The following LRRTM4 variants were observed in gnomAD, a reference collection of about 807,000 sequenced individuals.
LRRTM4 encodes the protein leucine rich repeat transmembrane neuronal 4, also known as leucine-rich repeat transmembrane neuronal protein 4.
LRRTM4 carries 25 observed loss-of-function variants against 47.6 expected under a neutral mutation model. The observed-to-expected ratio is 0.53, with a 90% CI of 0.38 to 0.73. The LOEUF (loss-of-function observed/expected upper bound fraction) is 0.73. Among genes scored for constraint, LRRTM4 ranks in the 30% least tolerant of loss-of-function variants. The probability of loss-of-function intolerance (pLI) is 0.00; values close to 1 mark genes in which losing one functional copy is unlikely to be tolerated. For synonymous variants in LRRTM4, 311 were observed against 269.5 expected (o/e 1.15, Z -1.51); for missense variants, 638 against 713.4 (o/e 0.89, Z 1.20).
intron 3 of LRRTM4, among the ~76,000 whole-genome samples, chr2:76,751,433 T>G (rs999847429): frequency 1.5e-4 from 23 of 152,064 alleles, no homozygotes; most frequent in African/African-American, 5.3e-4. Flanking sequence ...AAAAGGAGAA[T>G]TGCAAAAAAT....
At chr2:77,395,219 C>A (rs1673657030) in intron 3 of LRRTM4, among the ~76,000 whole-genome samples, 1 of 151,838 alleles carries the variant, frequency 6.6e-6, no homozygotes, top group South Asian at 2.1e-4. Context: ...GCGTATCTGA[C>A]CTCTCATCCT....
At chr2:77,428,275 C>A (rs770470261) in intron 3 of LRRTM4, among the ~76,000 whole-genome samples, 1 of 152,080 alleles carries the variant, frequency 6.6e-6, no homozygotes, top group Non-Finnish European at 1.5e-5. Context: ...ACTGATACAC[C>A]AACTACAGAC....
chr2:77,191,714 A>C (rs2103879861), intron 3 of LRRTM4, among the ~76,000 whole-genome samples: 1 of 152,222 alleles, frequency 6.6e-6, no homozygotes, highest in South Asian at 2.1e-4. Flanking sequence ...AATATGAATA[A>C]ATAAATTATC....
intron 3 of LRRTM4, among the ~76,000 whole-genome samples, chr2:77,372,981 A>T (rs1303841278): frequency 6.6e-6 from 1 of 150,856 alleles, no homozygotes; most frequent in Non-Finnish European, 1.5e-5. Flanking sequence ...AAGGGTCATA[A>T]GGAATATCAC....
intron 3 of LRRTM4, among the ~76,000 whole-genome samples, chr2:77,004,610 C>T (rs1573438159): frequency 6.6e-6 from 1 of 152,138 alleles, no homozygotes; most frequent in East Asian, 1.9e-4. Flanking sequence ...GGAGCCCCCA[C>T]ACAGAGTCCC....
intron 3 of LRRTM4, among the ~76,000 whole-genome samples, chr2:77,341,426 C>A (rs1280319870): frequency 6.6e-6 from 1 of 151,968 alleles, no homozygotes; most frequent in Non-Finnish European, 1.5e-5. Flanking sequence ...TCTGCTTAAA[C>A]GTTATTCCTT....
chr2:77,041,539 A>G (rs1679034445), intron 3 of LRRTM4, among the ~76,000 whole-genome samples: 1 of 151,520 alleles, frequency 6.6e-6, no homozygotes, highest in African/African-American at 2.4e-5. Context: ...ACAATGTATA[A>G]GAATTTGCCC....
intron 3 of LRRTM4, among the ~76,000 whole-genome samples, chr2:77,299,275 ACAC>A (rs1677060122): frequency 3.1e-5 from 3 of 95,598 alleles, no homozygotes; most frequent in African/African-American, 8.6e-5. Context: ...ACACACACAC[ACAC>A]ACACACACAC....
At chr2:76,845,013 TC>T (rs1671797800) in intron 3 of LRRTM4, among the ~76,000 whole-genome samples, 1 of 151,620 alleles carries the variant, frequency 6.6e-6, no homozygotes, top group Non-Finnish European at 1.5e-5. Context: ...TGAAAGCAAA[TC>T]CCTGCCACAA....
At chr2:77,382,471 C>T (rs186394912) in intron 3 of LRRTM4, among the ~76,000 whole-genome samples, 1 of 152,008 alleles carries the variant, frequency 6.6e-6, no homozygotes, top group African/African-American at 2.4e-5. Flanking sequence ...TTACAGATAT[C>T]CCCCAAAATT....
intron 3 of LRRTM4, among the ~76,000 whole-genome samples, chr2:77,436,106 A>C (rs1675589019): frequency 6.6e-6 from 1 of 152,182 alleles, no homozygotes; most frequent in Non-Finnish European, 1.5e-5. Flanking sequence ...AGAGTGTTGT[A>C]AGAAAACATA....
intron 3 of LRRTM4, among the ~76,000 whole-genome samples, chr2:77,039,413 AAGTT>A (rs1323393769): frequency 2.6e-5 from 4 of 151,140 alleles, no homozygotes; most frequent in African/African-American, 9.7e-5. Context: ...CTGTTTAAAA[AAGTT>A]AGTGTCAGTT....
chr2:77,279,086 A>G (rs1350682088), intron 3 of LRRTM4, among the ~76,000 whole-genome samples: 1 of 152,018 alleles, frequency 6.6e-6, no homozygotes, highest in Non-Finnish European at 1.5e-5. Context: ...TGCCCTGGTG[A>G]GAAGAAACTA....
intron 3 of LRRTM4, among the ~76,000 whole-genome samples, chr2:76,953,483 C>T (rs886788072): frequency 2.0e-5 from 3 of 151,926 alleles, no homozygotes; most frequent in Non-Finnish European, 4.4e-5. Flanking sequence ...CGCGCACACA[C>T]ACACATTACG....
chr2:76,916,882 G>A (rs995810102), intron 3 of LRRTM4, among the ~76,000 whole-genome samples: 1 of 152,174 alleles, frequency 6.6e-6, no homozygotes, highest in South Asian at 2.1e-4. Context: ...GCTAATTCCA[G>A]CTAAGATATT....
At chr2:77,137,830 C>G (rs775900669) in intron 3 of LRRTM4, among the ~76,000 whole-genome samples, 6 of 152,112 alleles carry the variant, frequency 3.9e-5, no homozygotes, top group African/African-American at 7.2e-5. Flanking sequence ...CAATCCTAGT[C>G]TCTGATAAAA....
chr2:77,432,827 A>G (rs1267337936), intron 3 of LRRTM4, among the ~76,000 whole-genome samples: 1 of 152,246 alleles, frequency 6.6e-6, no homozygotes, highest in African/African-American at 2.4e-5. Flanking sequence ...TAGCTGAAAC[A>G]GATATGTAAA....
Position 76,986,168 on chromosome 2 carries a change from T to A in LRRTM4, c.1552-237252A>T, listed in dbSNP as rs547324071. Among the ~76,000 whole-genome samples the A allele has an allele frequency of 9.3e-5, 14 of 150,442 alleles. No homozygotes were observed. The East Asian group carries it at 2.7e-3, about 29-fold the overall frequency. On this transcript the variant is annotated intron_variant, in intron 3 of 3. Coordinates refer to ENST00000409884, the MANE Select transcript of LRRTM4 (RefSeq NM_001134745.3). ...TGCTACTTTTTTTTGAGATGTTCCTTCTGAATATCTACTTGAATTTTCATT... is the reference window on the plus strand; with the variant it reads ...TGCTACTTTTTTTTGAGATGTTCCTACTGAATATCTACTTGAATTTTCATT...
At chr2:76,821,960 G>GA (rs1558676654) in intron 3 of LRRTM4, among the ~76,000 whole-genome samples, 2 of 151,486 alleles carry the variant, frequency 1.3e-5, no homozygotes, top group African/African-American at 4.8e-5. Flanking sequence ...TCTTTAGAGG[G>GA]ATACTAAGAA....
Sources: gnomAD v4.1 joint callset for allele counts (sites outside exome capture counted in the v4.1 genomes callset) on GRCh38, gnomAD v4.1.1 for gene constraint, MANE v1.5 for transcripts, NCBI Gene and HGNC (gene_info 2026-07-23, HGNC 2026-07-21) for gene names.